Variants in NSRP1 observed in about 807,000 individuals in gnomAD.
NSRP1 encodes the protein nuclear speckle splicing regulatory protein 1.
Under a neutral mutation model 54.7 loss-of-function variants are expected in NSRP1, and 24 were observed. The ratio of observed to expected loss-of-function variants is 0.44; its 90% CI spans 0.32 to 0.62. The LOEUF is 0.62. Ranked by LOEUF, NSRP1 falls within the 20% of genes least tolerant of loss-of-function variation. NSRP1 has a pLI of 0.06. For synonymous variants in NSRP1, 210 were observed against 213.8 expected (o/e 0.98, Z 0.15); for missense variants, 596 against 651.2 (o/e 0.92, Z 0.92).
At chr17:30,134,444 A>G (rs1376578670) in intron 2 of NSRP1, among the ~76,000 whole-genome samples, 2 of 152,260 alleles carry the variant, frequency 1.3e-5, no homozygotes, top group Non-Finnish European at 2.9e-5. Flanking sequence ...GTAGTAAAAC[A>G]TCCGTGAAGC....
At chr17:30,181,055 T>C in intron 6 of NSRP1, 39 bp downstream of exon 6, 2 of 1,227,872 alleles carry the variant, frequency 1.6e-6, no homozygotes, top group Non-Finnish European at 2.4e-6. Flanking sequence ...AGAAAAATAC[T>C]GTTAATAATC....
rs1313854756 is a variant in NSRP1, at chr17:30,173,003, G to T, written c.171+405G>T. 2.0e-5 allele frequency among the ~76,000 whole-genome samples: 3 copies of T among 148,250 alleles called. No individual in the cohort carries two copies. In the South Asian group the frequency reaches 6.4e-4, roughly 32 times the overall value. On this transcript the variant is annotated intron_variant, in intron 3 of 6. Transcript: ENST00000247026. ...TTTTGAGATTGAGTCTTGCTCTGTT[G>T]CCCAGGCTGGAGTGCCGTGGTGCAC...
In NSRP1 at chr17:30,119,588, C is replaced by T. The variant is rs766701831; in HGVS notation, c.114+1415C>T. ...TGCGATCTCAGCTCATTGCAACCTCCGCCTCCTGGGTTCAAGCGTTTCTCC... is the reference window on the plus strand; with the variant it reads ...TGCGATCTCAGCTCATTGCAACCTCTGCCTCCTGGGTTCAAGCGTTTCTCC... On this transcript the variant is annotated intron_variant, in intron 2 of 6. Transcript: ENST00000247026. Among the ~76,000 whole-genome samples, 7 of 151,472 alleles carry T rather than the reference C, an allele frequency of 4.6e-5. No individual in the cohort carries two copies. In the South Asian group the frequency reaches 6.3e-4, roughly 14 times the overall value.
rs150431040 is a variant in NSRP1 at position 30,143,587 on chromosome 17, T to C, written c.114+25414T>C. Among the ~76,000 whole-genome samples, 40 of 152,300 alleles carry C rather than the reference T, an allele frequency of 2.6e-4. No homozygotes were observed. The East Asian group carries it at 7.5e-3, about 29-fold the overall frequency. ...AGGTTATAAGACCTTTGACTGTTCA[T>C]TATAAGTGTGCTAGTTGTTACCAAC... is the stretch of plus-strand genomic sequence containing the variant. On this transcript the variant is annotated intron_variant, in intron 2 of 6. Coordinates refer to ENST00000247026, the MANE Select transcript of NSRP1 (RefSeq NM_032141.4).
chr17:30,117,652 C>T (rs567737080), intron 1 of NSRP1, among the ~76,000 whole-genome samples: 2 of 151,372 alleles, frequency 1.3e-5, no homozygotes, highest in East Asian at 3.9e-4. Context: ...TGTAAGTACA[C>T]AGTAGGAAAA....
chr17:30,134,120 T>C (rs1487369592), intron 2 of NSRP1, among the ~76,000 whole-genome samples: 2 of 152,042 alleles, frequency 1.3e-5, no homozygotes, highest in Non-Finnish European at 2.9e-5. Context: ...TCTCAAGGAA[T>C]AGGAAGGCCT....
chr17:30,170,393 C>T (rs1405707923), intron 2 of NSRP1, among the ~76,000 whole-genome samples: 2 of 152,128 alleles, frequency 1.3e-5, no homozygotes, highest in Non-Finnish European at 2.9e-5. Context: ...CTATTGTCCT[C>T]ATGTGGTACA....
intron 2 of NSRP1, among the ~76,000 whole-genome samples, chr17:30,148,380 C>G (rs1042776276): frequency 6.6e-6 from 1 of 152,108 alleles, no homozygotes; most frequent in Non-Finnish European, 1.5e-5. Context: ...TGTTTATTGT[C>G]TAAAAATGTC....
At chr17:30,152,304 G>A (rs1597608483) in intron 2 of NSRP1, among the ~76,000 whole-genome samples, 1 of 151,716 alleles carries the variant, frequency 6.6e-6, no homozygotes, top group East Asian at 1.9e-4. Flanking sequence ...CTTTTTAGTA[G>A]AGACAGGGTT....
At chr17:30,175,323 T>C (rs540656769) in intron 3 of NSRP1, among the ~76,000 whole-genome samples, 1 of 152,342 alleles carries the variant, frequency 6.6e-6, no homozygotes, top group South Asian at 2.1e-4. Context: ...TATTAATTTC[T>C]GAACATAACG....
At chr17:30,165,193 C>CT (rs1325541730) in intron 2 of NSRP1, among the ~76,000 whole-genome samples, 1 of 152,076 alleles carries the variant, frequency 6.6e-6, no homozygotes, top group African/African-American at 2.4e-5. Context: ...ATGAGTATGG[C>CT]TTATAAAGGA....
At chr17:30,148,126 T>A (rs1368392551) in intron 2 of NSRP1, among the ~76,000 whole-genome samples, 1 of 152,196 alleles carries the variant, frequency 6.6e-6, no homozygotes, top group African/African-American at 2.4e-5. Context: ...GACAATTTTT[T>A]ATAAATCACA....
chr17:30,140,771 G>A (rs777017957), intron 2 of NSRP1, among the ~76,000 whole-genome samples: 2 of 151,824 alleles, frequency 1.3e-5, no homozygotes, highest in Non-Finnish European at 2.9e-5. Context: ...CTCGTGATCC[G>A]CACTCCTTGG....
rs575377863 is a variant in NSRP1 at position 30,129,491 on chromosome 17, G to T, written c.114+11318G>T. 3.2e-4 allele frequency among the ~76,000 whole-genome samples: 49 copies of T among 151,356 alleles called. 1 individual carries two copies. The South Asian group carries it at 1.0e-2, about 31-fold the overall frequency. On this transcript the variant is annotated intron_variant, in intron 2 of 6. Transcript: ENST00000247026. ...TAGCAAGTTACAGGATTACATAAGT[G>T]TATACACTTCCATTCCTTTCACTAT...
At chr17:30,140,520 CTTTTTTTT>C (rs10608409) in intron 2 of NSRP1, among the ~76,000 whole-genome samples, 81 of 50,310 alleles carry the variant, frequency 1.6e-3, no homozygotes, top group African/African-American at 5.4e-3. Flanking sequence ...TCAGATTTTA[CTTTTTTTT>C]TTTTTTTTTT....
intron 2 of NSRP1, among the ~76,000 whole-genome samples, chr17:30,132,808 T>G (rs1435165353): frequency 6.6e-6 from 1 of 152,244 alleles, no homozygotes; most frequent in Non-Finnish European, 1.5e-5. Flanking sequence ...TAATGATGTT[T>G]GGCCTCCACC....
At chr17:30,182,183 C>A (rs994327268) in intron 6 of NSRP1, among the ~76,000 whole-genome samples, 3 of 150,236 alleles carry the variant, frequency 2.0e-5, no homozygotes, top group Non-Finnish European at 3.0e-5. Flanking sequence ...TAGGTGTCTA[C>A]AATATAAGTC....
At position 30,138,593 on chromosome 17, in the gene NSRP1, G is replaced by GT. The variant is rs530455203; in HGVS notation, c.114+20429dup. Among the ~76,000 whole-genome samples the GT allele has an allele frequency of 4.0e-4, 61 of 151,472 alleles. 1 individual carries two copies. Among genetic ancestry groups the GT allele is most frequent in the Middle Eastern group, 3.4e-3 (1 of 290 alleles). ...AGCCTATACATCTTCAGTACAGGCA[G>GT]TTTTTTTTTCCAAATATTTTCAAAC... On this transcript the variant is annotated intron_variant, in intron 2 of 6. Transcript: ENST00000247026.
chr17:30,136,496 T>G (rs755252511), intron 2 of NSRP1, among the ~76,000 whole-genome samples: 1 of 152,222 alleles, frequency 6.6e-6, no homozygotes, highest in Non-Finnish European at 1.5e-5. Context: ...TCATGTTAAT[T>G]GGTTTACCAT....
Sources: allele counts gnomAD v4.1 joint callset (sites outside exome capture counted in the v4.1 genomes callset), GRCh38; gene constraint gnomAD v4.1.1; transcripts MANE v1.5; gene names NCBI Gene and HGNC (gene_info 2026-07-23, HGNC 2026-07-21).